GNG2: variants seen among roughly 807,000 people sequenced by gnomAD.
The protein encoded by GNG2 is G protein subunit gamma 2, also known as guanine nucleotide-binding protein G(I)/G(S)/G(O) subunit gamma-2.
In GNG2, 5 loss-of-function variants were observed where a neutral mutation model predicts 5.5. The ratio of observed to expected loss-of-function variants is 0.91; its 90% CI spans 0.48 to 1.92. The LOEUF (loss-of-function observed/expected upper bound fraction) is 1.92. Ranked by LOEUF, GNG2 falls within the 30% of genes most tolerant of loss-of-function variation. GNG2 has a pLI of 0.01. For missense variants in GNG2, 55 were observed against 88.4 expected, an observed-to-expected ratio of 0.62 and a Z score of 1.52; for synonymous variants, 28 against 32.0, an observed-to-expected ratio of 0.88 and a Z score of 0.42.
At chr14:51,912,381 GC>G (rs1284682803) in intron 2 of GNG2, among the ~76,000 whole-genome samples, 7 of 152,068 alleles carry the variant, frequency 4.6e-5, no homozygotes, top group Non-Finnish European at 7.4e-5. Flanking sequence ...AATTCCAGTG[GC>G]TCAGCCTAAA....
intron 2 of GNG2, among the ~76,000 whole-genome samples, chr14:51,907,276 T>C (rs1418167849): frequency 1.3e-5 from 2 of 152,206 alleles, no homozygotes; most frequent in African/African-American, 4.8e-5. Flanking sequence ...GCTGATTCAT[T>C]CAGACATTTT....
chr14:51,837,955 G>A (rs2140074863), intron 2 of GNG2, among the ~76,000 whole-genome samples: 1 of 152,178 alleles, frequency 6.6e-6, no homozygotes, highest in South Asian at 2.1e-4. Context: ...ACTGAGAGTT[G>A]TAAAATATCC....
chr14:51,855,137 T>C (rs1882095901), intron 2 of GNG2, among the ~76,000 whole-genome samples: 1 of 152,226 alleles, frequency 6.6e-6, no homozygotes, highest in Non-Finnish European at 1.5e-5. Flanking sequence ...ATGTGTGACA[T>C]TTCAGGCAAT....
At chr14:51,923,497 ATG>A (rs1163712744) in intron 2 of GNG2, among the ~76,000 whole-genome samples, 5 of 151,684 alleles carry the variant, frequency 3.3e-5, no homozygotes, top group African/African-American at 1.2e-4. Context: ...AAATATATGT[ATG>A]TGTGTGTGTA....
At chr14:51,923,210 T>C (rs1290865710) in intron 2 of GNG2, among the ~76,000 whole-genome samples, 1 of 152,176 alleles carries the variant, frequency 6.6e-6, no homozygotes, top group Non-Finnish European at 1.5e-5. Context: ...TGTTGCCCTT[T>C]CTGTTGGAAC....
At chr14:51,905,425 A>T (rs1357696519) in intron 2 of GNG2, among the ~76,000 whole-genome samples, 1 of 152,212 alleles carries the variant, frequency 6.6e-6, no homozygotes, top group African/African-American at 2.4e-5. Context: ...ATCTGTGTTA[A>T]AATTGCAATA....
chr14:51,961,126 A>G (rs747640619), intron 3 of GNG2, among the ~76,000 whole-genome samples: 5 of 152,112 alleles, frequency 3.3e-5, no homozygotes, highest in African/African-American at 7.2e-5. Flanking sequence ...TCTCTCAGGG[A>G]TCACTCCTCT....
upstream of GNG2, among the ~76,000 whole-genome samples, chr14:51,857,631 C>A (rs185682181): frequency 7.2e-3 from 1,089 of 152,132 alleles, 7 homozygotes; most frequent in Non-Finnish European, 0.012. Context: ...ACAGAAAAAA[C>A]CAAAGCATTT....
chr14:51,959,936 A>G (rs1029168022), intron 3 of GNG2, among the ~76,000 whole-genome samples: 1 of 152,038 alleles, frequency 6.6e-6, no homozygotes, highest in African/African-American at 2.4e-5. Flanking sequence ...CATATAAGCA[A>G]TTTGATTATG....
At chr14:51,951,028 G>A (rs1888945935) in intron 3 of GNG2, among the ~76,000 whole-genome samples, 1 of 151,938 alleles carries the variant, frequency 6.6e-6, no homozygotes, top group Non-Finnish European at 1.5e-5. Context: ...ATTCCAGTGA[G>A]AGAAATTAGA....
chr14:51,960,657 T>TTAAAA (rs5808644), intron 3 of GNG2, among the ~76,000 whole-genome samples: 141,293 of 151,904 alleles, frequency 0.93, 66,180 homozygotes, highest in Non-Finnish European at 0.99. Flanking sequence ...TTAACAATAG[T>TTAAAA]TAACAGTTAA....
chr14:51,919,765 G>T (rs1168364434), intron 2 of GNG2, among the ~76,000 whole-genome samples: 1 of 152,216 alleles, frequency 6.6e-6, no homozygotes, highest in Non-Finnish European at 1.5e-5. Flanking sequence ...CTGAACAACA[G>T]ATGTTTATCA....
In GNG2 at chr14:51,835,332, T is replaced by A. The variant is rs545951863; in HGVS notation, c.64+7525T>A. ...TTAGCATCTAAACCTACATTCTAAC[T>A]TCATTTGTTTCATCCTGAGTAGGAG... On this transcript the variant is annotated intron_variant, in intron 2 of 3. Coordinates refer to the GNG2 transcript ENST00000553432. Among the ~76,000 whole-genome samples the A allele has an allele frequency of 3.3e-5, 5 of 152,354 alleles. No individual in the cohort carries two copies. In the South Asian group the frequency reaches 1.0e-3, roughly 32 times the overall value.
At chr14:51,928,196 A>C (rs1321136266) in intron 2 of GNG2, among the ~76,000 whole-genome samples, 1 of 151,374 alleles carries the variant, frequency 6.6e-6, no homozygotes, top group East Asian at 1.9e-4. Flanking sequence ...CGCCCGGCTA[A>C]TTTTTTTGTA....
chr14:51,855,314 T>C (rs1031486689), intron 2 of GNG2, among the ~76,000 whole-genome samples: 2 of 152,160 alleles, frequency 1.3e-5, no homozygotes, highest in South Asian at 2.1e-4. Context: ...GACTGGCATT[T>C]TTCATTAGTG....
At chr14:51,928,026 C>CTTTT (rs35561589) in intron 2 of GNG2, among the ~76,000 whole-genome samples, 5 of 103,050 alleles carry the variant, frequency 4.9e-5, no homozygotes, top group Admixed American at 9.8e-5. Context: ...CTCTCTCTCT[C>CTTTT]TTTTTTTTTT....
chr14:51,867,070 C>T (rs766031538), intron 1 of GNG2, among the ~76,000 whole-genome samples: 20 of 152,158 alleles, frequency 1.3e-4, no homozygotes, highest in Non-Finnish European at 2.5e-4. Flanking sequence ...TTTTTCCATA[C>T]GCACACAAAG....
intron 2 of GNG2, among the ~76,000 whole-genome samples, chr14:51,949,443 T>C (rs1193539000): frequency 6.6e-6 from 1 of 152,240 alleles, no homozygotes; most frequent in Non-Finnish European, 1.5e-5. Flanking sequence ...TTTTCCAGGT[T>C]TTCTGTGTGT....
chr14:51,917,722 G>GAAACACTGTATT (rs1449242062), intron 2 of GNG2, among the ~76,000 whole-genome samples: 7 of 151,970 alleles, frequency 4.6e-5, no homozygotes, highest in African/African-American at 1.7e-4. Context: ...TTAAGCATCA[G>GAAACACTGTATT]AAACACTGTA....
Sources: allele counts gnomAD v4.1 joint callset (sites outside exome capture counted in the v4.1 genomes callset), GRCh38; gene constraint gnomAD v4.1.1; transcripts MANE v1.5; gene names NCBI Gene and HGNC (gene_info 2026-07-23, HGNC 2026-07-21).